The following NEGR1 variants were observed in gnomAD, a reference collection of about 807,000 sequenced individuals.
NEGR1 encodes neuronal growth regulator 1, also known as IgLON family member 4.
NEGR1 carries 10 observed loss-of-function variants against 40.9 expected under a neutral mutation model. The observed-to-expected ratio is 0.24, with a 90% confidence interval of 0.15 to 0.42. The LOEUF is 0.42. NEGR1 is among the 10% of genes least tolerant of loss of function. The pLI is 1.00. For synonymous variants in NEGR1, 185 were observed against 166.8 expected, an observed-to-expected ratio of 1.11 and a Z score of -0.84; for missense variants, 352 against 438.9, an observed-to-expected ratio of 0.80 and a Z score of 1.77.
At chr1:71,436,757 C>T (rs1646512321) in intron 6 of NEGR1, among the ~76,000 whole-genome samples, 1 of 152,124 alleles carries the variant, frequency 6.6e-6, no homozygotes, top group Non-Finnish European at 1.5e-5. Flanking sequence ...AGAATGAAGA[C>T]CTTTATGATG....
chr1:72,109,835 TG>T (rs1649283477), intron 1 of NEGR1, among the ~76,000 whole-genome samples: 1 of 151,586 alleles, frequency 6.6e-6, no homozygotes, highest in African/African-American at 2.4e-5. Context: ...TGGGAAAAAT[TG>T]GGGCTGGTTT....
chr1:71,667,283 T>A (rs1652275900), intron 4 of NEGR1, among the ~76,000 whole-genome samples: 1 of 152,198 alleles, frequency 6.6e-6, no homozygotes, highest in Non-Finnish European at 1.5e-5. Context: ...AGTAATTCAA[T>A]ACAACCTGCC....
At chr1:71,989,335 T>G (rs983463578) in intron 1 of NEGR1, among the ~76,000 whole-genome samples, 13 of 152,154 alleles carry the variant, frequency 8.5e-5, no homozygotes, top group Non-Finnish European at 1.2e-4. Flanking sequence ...TAAAAATGCA[T>G]CCAGTAGCTA....
intron 6 of NEGR1, among the ~76,000 whole-genome samples, chr1:71,589,634 T>G (rs1490456739): frequency 6.6e-6 from 1 of 152,142 alleles, no homozygotes; most frequent in Non-Finnish European, 1.5e-5. Flanking sequence ...GTTATCTAGA[T>G]CCTTGCAACT....
At chr1:72,213,476 G>T (rs950983412) in intron 1 of NEGR1, among the ~76,000 whole-genome samples, 3 of 151,812 alleles carry the variant, frequency 2.0e-5, no homozygotes, top group African/African-American at 7.3e-5. Flanking sequence ...ATTCATCCAG[G>T]TAATTTATAA....
chr1:71,496,635 C>T (rs1646965726), intron 6 of NEGR1, among the ~76,000 whole-genome samples: 2 of 151,526 alleles, frequency 1.3e-5, no homozygotes. Flanking sequence ...GAAAGAAAAA[C>T]ATCTCAAATA....
At chr1:71,702,925 G>C (rs982048591) in intron 3 of NEGR1, among the ~76,000 whole-genome samples, 1 of 152,100 alleles carries the variant, frequency 6.6e-6, no homozygotes, top group Non-Finnish European at 1.5e-5. Flanking sequence ...AGAGAGATTG[G>C]AATTCAGGTA....
chr1:72,235,750 A>G lies in NEGR1; in HGVS notation c.176+46569T>C, dbSNP rs111334380. On this transcript the variant is annotated intron_variant, in intron 1 of 6. Coordinates refer to ENST00000357731, the MANE Select transcript of NEGR1 (RefSeq NM_173808.3). The stretch of plus-strand genomic sequence containing the variant: ...AGGAAGCCATTCTAGGGTCTTGTGC[A>G]GGAAGTAACATGATTTAAATTGTGT... 2.7e-3 allele frequency among the ~76,000 whole-genome samples: 412 copies of G among 152,198 alleles called. 6 individuals carry two copies. The highest frequency in any genetic ancestry group is 9.3e-3 in the African/African-American group (385 of 41,562).
chr1:71,598,681 A>G (rs1649820567), intron 5 of NEGR1, among the ~76,000 whole-genome samples: 1 of 152,212 alleles, frequency 6.6e-6, no homozygotes. Flanking sequence ...CTCATAGTGT[A>G]TATGTAGAAT....
chr1:71,815,810 A>T (rs1658184560), intron 2 of NEGR1, among the ~76,000 whole-genome samples: 1 of 152,072 alleles, frequency 6.6e-6, no homozygotes, highest in Non-Finnish European at 1.5e-5. Context: ...CATCACGAAC[A>T]TCCTCTTCCT....
At chr1:71,669,370 T>C (rs1250938698) in intron 4 of NEGR1, among the ~76,000 whole-genome samples, 2 of 152,072 alleles carry the variant, frequency 1.3e-5, no homozygotes, top group Non-Finnish European at 2.9e-5. Context: ...TAATTCTACT[T>C]GTTTTTTAAA....
At chr1:71,466,504 T>C (rs567781313) in intron 6 of NEGR1, among the ~76,000 whole-genome samples, 2 of 152,180 alleles carry the variant, frequency 1.3e-5, no homozygotes, top group Non-Finnish European at 2.9e-5. Flanking sequence ...GAATATGATA[T>C]GCACTATGAA....
At position 72,084,449 on chromosome 1, in the gene NEGR1, G is replaced by A. The variant is rs568985035; in HGVS notation, c.177-149138C>T. 3.5e-4 allele frequency among the ~76,000 whole-genome samples: 53 copies of A among 152,172 alleles called. 1 individual carries two copies. In the South Asian group the frequency reaches 5.4e-3, roughly 15 times the overall value. On this transcript the variant is annotated intron_variant, in intron 1 of 6. Coordinates refer to ENST00000357731, the MANE Select transcript of NEGR1 (RefSeq NM_173808.3). ...CAAACGTTTCTCTAGAACCCTTAATGCTCTTTCCTGAATTATTTTTCAACT... is the reference window on the plus strand; with the variant it reads ...CAAACGTTTCTCTAGAACCCTTAATACTCTTTCCTGAATTATTTTTCAACT...
intron 1 of NEGR1, among the ~76,000 whole-genome samples, chr1:72,201,780 C>T (rs917751114): frequency 5.9e-5 from 9 of 151,778 alleles, no homozygotes; most frequent in African/African-American, 2.2e-4. Flanking sequence ...CTTAATGAAA[C>T]ATGTAATTTT....
At chr1:72,236,287 T>A (rs531953973) in intron 1 of NEGR1, among the ~76,000 whole-genome samples, 1 of 150,918 alleles carries the variant, frequency 6.6e-6, no homozygotes, top group South Asian at 2.1e-4. Context: ...TTTTGAGGGG[T>A]GGGGAGATAG....
chr1:72,101,166 C>A (rs768310195), intron 1 of NEGR1, among the ~76,000 whole-genome samples: 3 of 152,156 alleles, frequency 2.0e-5, no homozygotes, highest in Non-Finnish European at 4.4e-5. Flanking sequence ...GTGTCTTTTT[C>A]TTTGTCTCTT....
intron 1 of NEGR1, among the ~76,000 whole-genome samples, chr1:72,119,788 C>T (rs1649728111): frequency 6.6e-6 from 1 of 151,984 alleles, no homozygotes; most frequent in East Asian, 1.9e-4. Flanking sequence ...AGTAATTATT[C>T]AGCCCAAAAT....
At chr1:71,799,897 A>G (rs1033839995) in intron 2 of NEGR1, among the ~76,000 whole-genome samples, 9 of 152,112 alleles carry the variant, frequency 5.9e-5, no homozygotes, top group African/African-American at 2.2e-4. Flanking sequence ...TATTTTTAGT[A>G]GAGACGGGGT....
intron 4 of NEGR1, among the ~76,000 whole-genome samples, chr1:71,692,595 A>G (rs548446512): frequency 6.6e-6 from 1 of 151,772 alleles, no homozygotes; most frequent in South Asian, 2.1e-4. Flanking sequence ...AAACTTTAGG[A>G]ATAGCTTTAA....
Sources: allele counts gnomAD v4.1 joint callset (sites outside exome capture counted in the v4.1 genomes callset), GRCh38; gene constraint gnomAD v4.1.1; transcripts MANE v1.5; gene names NCBI Gene and HGNC (gene_info 2026-07-23, HGNC 2026-07-21).